The following PAK3 variants were observed in gnomAD, a reference collection of about 807,000 sequenced individuals.
PAK3 encodes serine/threonine-protein kinase PAK 3.
A neutral mutation model predicts 41.0 loss-of-function variants in PAK3; 4 were observed. The observed-to-expected ratio is 0.10, with a 90% CI of 0.05 to 0.22. The LOEUF is 0.22. Ranked by LOEUF, PAK3 falls within the 10% of genes least tolerant of loss-of-function variation. The pLI is 1.00. For synonymous variants in PAK3, 146 were observed against 139.6 expected (o/e 1.05, Z -0.32); for missense variants, 205 against 409.9 (o/e 0.50, Z 4.32).
chrX:111,161,320 TTTTTC>T (rs2094184858), intron 8 of PAK3, among the ~76,000 whole-genome samples: 1 of 111,802 alleles, frequency 8.9e-6, no homozygotes, highest in Non-Finnish European at 1.9e-5. Flanking sequence ...GTTGTTTGTT[TTTTTC>T]TTGTAAATTT....
At chrX:111,122,255 G>GAAA (rs747134804) in intron 4 of PAK3, among the ~76,000 whole-genome samples, 4 of 23,264 alleles carry the variant, frequency 1.7e-4, no homozygotes, top group African/African-American at 2.9e-4. Flanking sequence ...GACTCCATCT[G>GAAA]AAAAAAAAAA....
chrX:111,043,706 C>T (rs1029635682), intron 1 of PAK3, among the ~76,000 whole-genome samples: 2 of 111,954 alleles, frequency 1.8e-5, no homozygotes, highest in African/African-American at 6.5e-5. Flanking sequence ...TTAAGTTTTC[C>T]TAGACAGTAT....
chrX:110,949,219 C>T (rs1371062760), intron 1 of PAK3, among the ~76,000 whole-genome samples: 1 of 111,267 alleles, frequency 9.0e-6, no homozygotes, highest in African/African-American at 3.3e-5. Context: ...TCTCACATTG[C>T]AGTTTTAGCA....
chrX:111,179,404 A>C lies in PAK3; in HGVS notation c.830+6323A>C, dbSNP rs183634641. On this transcript the variant is annotated intron_variant, in intron 11 of 17. Coordinates refer to ENST00000372007, the MANE Select transcript of PAK3 (RefSeq NM_002578.5). ...TAGGTCTTCATGACATATATCTACT[A>C]TCTACTATATGACTTTTTAAAATTT... is the stretch of plus-strand genomic sequence containing the variant. 5.9e-3 allele frequency among the ~76,000 whole-genome samples: 650 copies of C among 111,073 alleles called. 8 individuals are homozygous for C. Among genetic ancestry groups the C allele is most frequent in the African/African-American group, 0.02 (602 of 30,698 alleles).
At chrX:111,129,593 G>A (rs940425404) in intron 5 of PAK3, among the ~76,000 whole-genome samples, 8 of 111,518 alleles carry the variant, frequency 7.2e-5, no homozygotes, top group Non-Finnish European at 1.1e-4. Context: ...ATCTACCAGG[G>A]TCTGTGCTTC....
At chrX:111,044,121 T>C (rs1316509655) in intron 1 of PAK3, among the ~76,000 whole-genome samples, 1 of 112,089 alleles carries the variant, frequency 8.9e-6, no homozygotes, top group African/African-American at 3.2e-5. Flanking sequence ...AATTCTCTCA[T>C]CATGCTTTGA....
chrX:110,961,751 C>A (rs2090983646), intron 1 of PAK3, among the ~76,000 whole-genome samples: 1 of 112,253 alleles, frequency 8.9e-6, no homozygotes, highest in African/African-American at 3.2e-5. Context: ...ACCTTCCATT[C>A]ACTTTTTTAG....
intron 1 of PAK3, among the ~76,000 whole-genome samples, chrX:111,053,388 C>A (rs188771698): frequency 1.3e-3 from 146 of 111,847 alleles, no homozygotes; most frequent in African/African-American, 4.4e-3. Context: ...ATCCCAGGAA[C>A]ATATTCAATA....
chrX:111,157,093 G>A (rs771646394), intron 8 of PAK3, among the ~76,000 whole-genome samples: 3 of 111,554 alleles, frequency 2.7e-5, no homozygotes, highest in African/African-American at 9.8e-5. Flanking sequence ...CATAGTTTAA[G>A]TAATTCTTTT....
intron 1 of PAK3, among the ~76,000 whole-genome samples, chrX:111,040,683 G>A (rs1443949552): frequency 6.3e-5 from 7 of 111,722 alleles, no homozygotes. Context: ...GTTTAGTATA[G>A]TGCCCTTCAC....
chrX:111,165,867 G>A (rs1282118358), intron 10 of PAK3, among the ~76,000 whole-genome samples: 1 of 112,053 alleles, frequency 8.9e-6, no homozygotes, highest in African/African-American at 3.2e-5. Context: ...CTCTAGTGGT[G>A]CTAGAGCTGT....
At chrX:111,076,985 A>G (rs994856278) in intron 1 of PAK3, among the ~76,000 whole-genome samples, 6 of 111,789 alleles carry the variant, frequency 5.4e-5, no homozygotes, top group Non-Finnish European at 1.1e-4. Context: ...TGCAAAATGT[A>G]GTACTGCTAC....
chrX:111,117,750 T>C (rs2093491345), intron 4 of PAK3, among the ~76,000 whole-genome samples: 1 of 112,141 alleles, frequency 8.9e-6, no homozygotes, highest in South Asian at 3.7e-4. Flanking sequence ...TTAATGCCTG[T>C]TGGTAACAAG....
chrX:111,213,493 G>T (rs1359627016), intron 16 of PAK3, among the ~76,000 whole-genome samples: 1 of 112,029 alleles, frequency 8.9e-6, no homozygotes, highest in South Asian at 3.7e-4. Flanking sequence ...GAGAAGATGT[G>T]TATGTACTTT....
intron 10 of PAK3, among the ~76,000 whole-genome samples, chrX:111,172,480 G>C: frequency 9.0e-6 from 1 of 111,343 alleles, no homozygotes; most frequent in Non-Finnish European, 1.9e-5. Flanking sequence ...CCAATAGGTA[G>C]TTCTTCAGCC....
At chrX:111,176,034 A>G (rs937204566) in intron 11 of PAK3, among the ~76,000 whole-genome samples, 2 of 111,434 alleles carry the variant, frequency 1.8e-5, no homozygotes, top group African/African-American at 3.3e-5. Flanking sequence ...GAGGGTATGG[A>G]GTCAATTGTA....
chrX:111,208,092 C>T lies in PAK3; in HGVS notation c.1408-8329C>T, dbSNP rs193221415. ...TACAGGCGTGAGCCACCACGCCCAGCCTGTTTGTGTCTTAGTTTTTAACAA... is the reference window on the plus strand; with the variant it reads ...TACAGGCGTGAGCCACCACGCCCAGTCTGTTTGTGTCTTAGTTTTTAACAA... On this transcript the variant is annotated intron_variant, in intron 16 of 17. Transcript: ENST00000372007. 6.0e-3 allele frequency among the ~76,000 whole-genome samples: 673 copies of T among 112,320 alleles called. 9 individuals are homozygous for T. Among genetic ancestry groups the T allele is most frequent in the African/African-American group, 0.02 (625 of 30,923 alleles).
At chrX:111,132,550 A>T (rs911957242) in intron 5 of PAK3, among the ~76,000 whole-genome samples, 1 of 111,131 alleles carries the variant, frequency 9.0e-6, no homozygotes, top group African/African-American at 3.3e-5. Context: ...GACCCCAGCA[A>T]CTACACTACA....
intron 5 of PAK3, among the ~76,000 whole-genome samples, chrX:111,125,225 A>T (rs1411745170): frequency 8.9e-6 from 1 of 111,889 alleles, no homozygotes; most frequent in Admixed American, 9.5e-5. Context: ...AGTTTAACAG[A>T]GCCTGTCATT....
Sources: allele counts gnomAD v4.1 joint callset (sites outside exome capture counted in the v4.1 genomes callset), GRCh38; gene constraint gnomAD v4.1.1; transcripts MANE v1.5; gene names NCBI Gene and HGNC (gene_info 2026-07-23, HGNC 2026-07-21).